The following APC variants were observed in gnomAD, a reference collection of about 807,000 sequenced individuals.
APC encodes adenomatous polyposis coli protein.
Under a neutral mutation model 247.0 loss-of-function variants are expected in APC, and 72 were observed. The observed-to-expected ratio is 0.29, with a 90% CI of 0.24 to 0.35. The LOEUF (loss-of-function observed/expected upper bound fraction) is 0.35, where lower values mean the gene tolerates loss of function less well. Among genes scored for constraint, APC ranks in the 10% least tolerant of loss-of-function variants. The pLI is 1.00. For missense variants in APC, 3,400 were observed against 3,360.7 expected, an observed-to-expected ratio of 1.01 and a Z score of -0.29; for synonymous variants, 1,254 against 1,162.5, an observed-to-expected ratio of 1.08 and a Z score of -1.60.
At position 112,782,482 on chromosome 5, in the gene APC, A is replaced by G. The variant is rs141274378; in HGVS notation, c.645+1579A>G. 2.6e-3 allele frequency among the ~76,000 whole-genome samples: 400 copies of G among 152,250 alleles called. 1 individual carries two copies. The highest frequency in any genetic ancestry group is 9.0e-3 in the African/African-American group (375 of 41,552). On this transcript the variant is annotated intron_variant, in intron 6 of 15. Coordinates refer to ENST00000257430, the MANE Select transcript of APC (RefSeq NM_000038.6). Reference sequence around the variant, plus strand: ...TACCATACTACATTTCATAGTCCATACATGTTAGTTTCATAGTGAAGGTTA... The same window carrying G: ...TACCATACTACATTTCATAGTCCATGCATGTTAGTTTCATAGTGAAGGTTA...
intron 6 of APC, among the ~76,000 whole-genome samples, chr5:112,788,795 G>A (rs1266480114): frequency 2.0e-5 from 3 of 152,144 alleles, no homozygotes; most frequent in African/African-American, 7.2e-5. Context: ...AAAGTATCCA[G>A]CAGTCTTCCT....
chr5:112,732,239 C>T lies in APC; in HGVS notation c.165+24357C>T, dbSNP rs186175559. Among the ~76,000 whole-genome samples, 5 of 152,308 alleles carry T rather than the reference C, an allele frequency of 3.3e-5. No individual in the cohort carries two copies. The East Asian group carries it at 9.6e-4, about 29-fold the overall frequency. On this transcript the variant is annotated intron_variant, in intron 1 of 13. Coordinates refer to the APC transcript ENST00000507379. ...AAAAGGCTATTTCAAAATGGTTTCC[C>T]TACTGTAGTGCAGTGGGAACTTCGA...
intron 7 of APC, among the ~76,000 whole-genome samples, chr5:112,795,112 C>T (rs570726191): frequency 2.6e-5 from 4 of 152,184 alleles, no homozygotes; most frequent in Non-Finnish European, 4.4e-5. Flanking sequence ...CTGCAACCTC[C>T]GCCTCCTGGG....
At position 112,775,622 on chromosome 5, in the gene APC, A is replaced by AC; in HGVS notation, c.423-7_423-6insC. 1 of 1,579,336 alleles carries AC rather than the reference A, an allele frequency of 6.3e-7. No individual in the cohort carries two copies. Among genetic ancestry groups the AC allele is most frequent in the South Asian group, 1.1e-5 (1 of 87,100 alleles). On this transcript the variant is annotated splice_polypyrimidine_tract_variant and splice_region_variant and intron_variant, in intron 4 of 15. Transcript: ENST00000257430. ...AAACGTACCTTTTTTTAAAAAAAAA[A>AC]AAATAGGTCATTGCTTCTTGCTGAT...
At chr5:112,805,609 G>C (rs1480403042) in intron 8 of APC, among the ~76,000 whole-genome samples, 1 of 152,184 alleles carries the variant, frequency 6.6e-6, no homozygotes, top group Non-Finnish European at 1.5e-5. Flanking sequence ...ACCTGTATCT[G>C]TGGGACTGTG....
rs1290483810 is a variant in APC at position 112,782,503 on chromosome 5, G to T, written c.645+1600G>T. Among the ~76,000 whole-genome samples, 3 of 152,148 alleles carry T rather than the reference G, an allele frequency of 2.0e-5. 1 individual carries two copies. Among genetic ancestry groups the T allele is most frequent in the Admixed American group, 2.0e-4 (3 of 15,276 alleles). On this transcript the variant is annotated intron_variant, in intron 6 of 15. Transcript: ENST00000257430. ...CCATACATGTTAGTTTCATAGTGAA[G>T]GTTAAGATCATAATGAGGTTGGGGG...
chr5:112,822,472 A>G (rs1157440594), intron 11 of APC, among the ~76,000 whole-genome samples: 3 of 152,182 alleles, frequency 2.0e-5, no homozygotes, highest in South Asian at 2.1e-4. Context: ...GCAGCCTGGT[A>G]TCTTTGAAAT....
rs1580690209 is a variant in APC, at chr5:112,843,712, G to C, written c.8118G>C (p.Val2706=). The C allele has an allele frequency of 1.9e-6, 3 of 1,614,046 alleles. No homozygotes were observed. The highest frequency in any genetic ancestry group is 2.5e-6 in the Non-Finnish European group (3 of 1,179,958). Residue 2706 remains valine, a synonymous_variant, in exon 16 of 16, where the codon GTG becomes GTC. Coordinates refer to ENST00000257430, the MANE Select transcript of APC (RefSeq NM_000038.6). The surrounding 1 kb of genome is among the most constrained non-coding windows in gnomAD (Gnocchi z 4.8). ...DSKDNQAKQN[V]GNGSVPMRTV... Reference sequence around the variant, plus strand: ...AAGATAATCAGGCAAAACAAAATGTGGGTAATGGCAGTGTTCCCATGCGTA... The same window carrying C: ...AAGATAATCAGGCAAAACAAAATGTCGGTAATGGCAGTGTTCCCATGCGTA...
At chr5:112,713,906 C>T (rs771407350) in intron 1 of APC, among the ~76,000 whole-genome samples, 1 of 152,174 alleles carries the variant, frequency 6.6e-6, no homozygotes, top group Non-Finnish European at 1.5e-5. Context: ...GATCCGCCCA[C>T]CTTGGCATCC....
intron 14 of APC, among the ~76,000 whole-genome samples, chr5:112,833,439 T>G (rs383256): frequency 6.6e-6 from 1 of 151,844 alleles, no homozygotes; most frequent in Non-Finnish European, 1.5e-5. Flanking sequence ...CCTTGGCCCC[T>G]CAAAGTGCTG....
intron 14 of APC, among the ~76,000 whole-genome samples, chr5:112,832,757 C>T (rs1390484113): frequency 1.3e-5 from 2 of 152,182 alleles, no homozygotes; most frequent in African/African-American, 4.8e-5. Context: ...TGTTCTCCTC[C>T]ATGAAATATT....
chr5:112,711,379 T>TC (rs1750835548), intron 1 of APC, among the ~76,000 whole-genome samples: 1 of 152,158 alleles, frequency 6.6e-6, no homozygotes, highest in African/African-American at 2.4e-5. Context: ...ACAAAACCAT[T>TC]CCCTGGTGCC....
intron 15 of APC, among the ~76,000 whole-genome samples, chr5:112,835,734 G>A (rs1245043546): frequency 4.0e-5 from 6 of 151,734 alleles, no homozygotes; most frequent in South Asian, 4.2e-4. Flanking sequence ...CACAACACCC[G>A]GCTAATTTTT....
intron 1 of APC, among the ~76,000 whole-genome samples, chr5:112,748,609 C>T (rs1753938085): frequency 6.6e-6 from 1 of 152,048 alleles, no homozygotes; most frequent in Admixed American, 6.6e-5. Flanking sequence ...CGCCTGTAAT[C>T]CCAGCAGTTT....
intron 14 of APC, among the ~76,000 whole-genome samples, chr5:112,831,872 G>A (rs1360302570): frequency 1.3e-5 from 2 of 152,142 alleles, no homozygotes; most frequent in African/African-American, 4.8e-5. Context: ...CTGAACAATG[G>A]TTTTGACCAA....
chr5:112,768,948 T>A (rs1180366781), intron 4 of APC, among the ~76,000 whole-genome samples: 1 of 151,784 alleles, frequency 6.6e-6, no homozygotes, highest in Admixed American at 6.6e-5. Flanking sequence ...TTATATTCTT[T>A]AACAAATCTC....
chr5:112,755,172 T>C, intron 2 of APC, 147 bp downstream of exon 2: 1 of 1,160,038 alleles, frequency 8.6e-7, no homozygotes, highest in Non-Finnish European at 1.2e-6. Context: ...TTAGCATTTA[T>C]ATTTTTAAAT....
intron 1 of APC, among the ~76,000 whole-genome samples, chr5:112,719,136 C>A (rs967567459): frequency 6.6e-6 from 1 of 152,132 alleles, no homozygotes; most frequent in Non-Finnish European, 1.5e-5. Context: ...ATGTACTAAA[C>A]TGAGGAGGGA....
At chr5:112,763,591 G>A (rs1040393624) in intron 2 of APC, among the ~76,000 whole-genome samples, 2 of 151,956 alleles carry the variant, frequency 1.3e-5, no homozygotes, top group African/African-American at 4.8e-5. Flanking sequence ...AAAATTAGAT[G>A]TATGTCCAAT....
Sources: gnomAD v4.1 joint callset for allele counts (sites outside exome capture counted in the v4.1 genomes callset) on GRCh38, gnomAD v4.1.1 for gene constraint, Gnocchi (gnomAD v3.1) non-coding constraint, MANE v1.5 for transcripts, NCBI Gene and HGNC (gene_info 2026-07-23, HGNC 2026-07-21) for gene names.